The following ZNF571 variants were observed in gnomAD, a reference collection of about 807,000 sequenced individuals.
ZNF571 encodes zinc finger protein 571.
Under a neutral mutation model 7.7 loss-of-function variants are expected in ZNF571, and 4 were observed. The observed-to-expected ratio is 0.52, with a 90% CI of 0.25 to 1.18. ZNF571 has a LOEUF of 1.18. Ranked by LOEUF, ZNF571 falls within the 50% of genes most tolerant of loss-of-function variation. ZNF571 has a pLI of 0.14. For missense variants in ZNF571, 704 were observed against 726.9 expected, an observed-to-expected ratio of 0.97 and a Z score of 0.36; for synonymous variants, 251 against 232.4, an observed-to-expected ratio of 1.08 and a Z score of -0.73.
At chr19:37,567,556 T>C (rs1359809884) in intron 3 of ZNF571, 1 of 152,222 alleles carries the variant, frequency 6.6e-6, no homozygotes, top group African/African-American at 2.4e-5. Context: ...TTCAGAACAA[T>C]GCTCTAATCT....
intron 2 of ZNF571, among the ~76,000 whole-genome samples, chr19:37,584,904 C>T (rs2043612494): frequency 6.8e-6 from 1 of 147,004 alleles, no homozygotes; most frequent in African/African-American, 2.5e-5. Flanking sequence ...GCGGAGCTTG[C>T]AGTGAGCCGA....
At chr19:37,566,556 T>A (rs1289984370) in intron 3 of ZNF571, 1 of 315,266 alleles carries the variant, frequency 3.2e-6, no homozygotes, top group African/African-American at 2.2e-5. Context: ...AGGAGGCTTA[T>A]AAAATAGTAA....
chr19:37,590,620 A>T (rs2043841904), intron 1 of ZNF571, among the ~76,000 whole-genome samples: 1 of 152,194 alleles, frequency 6.6e-6, no homozygotes, highest in Non-Finnish European at 1.5e-5. Context: ...AATTACTATC[A>T]GGTAGTTCAG....
intron 2 of ZNF571, chr19:37,584,996 C>G (rs2043618316): frequency 6.6e-6 from 1 of 150,822 alleles, no homozygotes; most frequent in African/African-American, 2.4e-5. Flanking sequence ...TAGACAAATT[C>G]TCTAATGTCT....
intron 3 of ZNF571, chr19:37,567,540 A>G (rs1033545213): frequency 2.6e-5 from 4 of 152,158 alleles, no homozygotes; most frequent in Non-Finnish European, 4.4e-5. Context: ...TTGAGCCACT[A>G]CTATCTTCAG....
chr19:37,593,535 C>T (rs955161508), intron 1 of ZNF571, among the ~76,000 whole-genome samples: 6 of 152,046 alleles, frequency 3.9e-5, no homozygotes, highest in Non-Finnish European at 8.8e-5. Flanking sequence ...AACCTCGTCT[C>T]TACTAAAAAC....
chr19:37,586,348 C>A, intron 2 of ZNF571: 1 of 293,062 alleles, frequency 3.4e-6, no homozygotes. Context: ...AAACACTCAT[C>A]TCTACCTCAC....
At chr19:37,593,394 A>G (rs1254749580) in intron 1 of ZNF571, among the ~76,000 whole-genome samples, 2 of 152,198 alleles carry the variant, frequency 1.3e-5, no homozygotes, top group African/African-American at 2.4e-5. Context: ...CAGAAAGTAC[A>G]GTTATTTTTC....
chr19:37,585,206 G>C (rs1010083787), intron 2 of ZNF571: 2 of 152,278 alleles, frequency 1.3e-5, no homozygotes, highest in African/African-American at 2.4e-5. Flanking sequence ...TCCTGGGCAA[G>C]AGGGTTGTAG....
At chr19:37,593,528 C>T (rs2043928132) in intron 1 of ZNF571, among the ~76,000 whole-genome samples, 1 of 152,064 alleles carries the variant, frequency 6.6e-6, no homozygotes, top group Non-Finnish European at 1.5e-5. Flanking sequence ...ACGGTGAAAC[C>T]TCGTCTCTAC....
intron 2 of ZNF571, chr19:37,586,001 A>T (rs1485967935): frequency 6.6e-6 from 1 of 152,272 alleles, no homozygotes; most frequent in Admixed American, 6.5e-5. Flanking sequence ...CAGATTCTCC[A>T]GTCCTCTAGA....
At chr19:37,577,769 G>GCACTCAA (rs1303651313) in intron 3 of ZNF571, among the ~76,000 whole-genome samples, 3 of 152,180 alleles carry the variant, frequency 2.0e-5, no homozygotes, top group African/African-American at 7.2e-5. Context: ...CTCTAGGGGG[G>GCACTCAA]CACTCAAGAT....
chr19:37,575,236 GATA>G (rs1054432173), intron 3 of ZNF571, among the ~76,000 whole-genome samples: 1 of 152,114 alleles, frequency 6.6e-6, no homozygotes, highest in African/African-American at 2.4e-5. Context: ...TGCTTTTCCT[GATA>G]ATAATGTACT....
In ZNF571 at chr19:37,564,711, G is replaced by A; in HGVS notation, c.1717C>T (p.Leu573Phe). ...CGRAFSRGSE[L>F]TLHQRIHTGE... ...GTATGGATCCTTTGATGCAGAGTAA[G>A]TTCTGAGCCACGACTAAAGGCCCTC... Residue 573 changes from leucine to phenylalanine, a missense_variant, in exon 4 of 4, where the codon CTT (leucine) becomes TTT (phenylalanine). Coordinates refer to ENST00000451802, the MANE Select transcript of ZNF571 (RefSeq NM_016536.5). 3 of 1,613,616 alleles carry A rather than the reference G, an allele frequency of 1.9e-6. No homozygotes were observed. Among genetic ancestry groups the A allele is most frequent in the Non-Finnish European group, 2.5e-6 (3 of 1,179,660 alleles).
At position 37,566,301 on chromosome 19, in the gene ZNF571, A is replaced by G; in HGVS notation, c.137-10T>C. On this transcript the variant is annotated splice_polypyrimidine_tract_variant and intron_variant, in intron 3 of 3. Coordinates refer to ENST00000451802, the MANE Select transcript of ZNF571 (RefSeq NM_016536.5). ...CAACTGGATTCCAAGTCTGTAGAATAAAAAGAAAGCAAATTCCTGCTTTTG... is the reference window on the plus strand; with the variant it reads ...CAACTGGATTCCAAGTCTGTAGAATGAAAAGAAAGCAAATTCCTGCTTTTG... The G allele has an allele frequency of 6.4e-7, 1 of 1,573,454 alleles. No homozygotes were observed.
chr19:37,580,068 T>C (rs1156402017), intron 3 of ZNF571, among the ~76,000 whole-genome samples: 2 of 152,214 alleles, frequency 1.3e-5, no homozygotes, highest in African/African-American at 2.4e-5. Flanking sequence ...CGGATAGACA[T>C]TGATACCTGA....
chr19:37,581,943 A>G (rs1301779899), intron 3 of ZNF571, among the ~76,000 whole-genome samples: 1 of 152,176 alleles, frequency 6.6e-6, no homozygotes, highest in Non-Finnish European at 1.5e-5. Context: ...TCCTACCACC[A>G]TAATTAACAT....
intron 3 of ZNF571, among the ~76,000 whole-genome samples, chr19:37,579,804 C>G (rs1156972619): frequency 6.6e-6 from 1 of 152,206 alleles, no homozygotes; most frequent in Non-Finnish European, 1.5e-5. Flanking sequence ...CACCATACTA[C>G]TGACAGACCA....
At chr19:37,590,262 A>T (rs2043828426) in intron 1 of ZNF571, among the ~76,000 whole-genome samples, 1 of 151,406 alleles carries the variant, frequency 6.6e-6, no homozygotes, top group African/African-American at 2.4e-5. Flanking sequence ...TAAAAATAAA[A>T]AAAAATTAGC....
Sources: allele counts gnomAD v4.1 joint callset (sites outside exome capture counted in the v4.1 genomes callset), GRCh38; gene constraint gnomAD v4.1.1; transcripts MANE v1.5; gene names NCBI Gene and HGNC (gene_info 2026-07-23, HGNC 2026-07-21).